Variants in TMEM63C observed in about 807,000 individuals in gnomAD.
TMEM63C encodes the protein transmembrane protein 63C.
In TMEM63C, 32 loss-of-function variants were observed where a neutral mutation model predicts 99.2. That is an observed-to-expected ratio of 0.32 (90% CI 0.24 to 0.43). The LOEUF is 0.43. Among genes scored for constraint, TMEM63C ranks in the 20% least tolerant of loss-of-function variants. The pLI is 1.00. For synonymous variants in TMEM63C, 376 were observed against 397.9 expected, an observed-to-expected ratio of 0.94 and a Z score of 0.66; for missense variants, 826 against 1,053.0, an observed-to-expected ratio of 0.78 and a Z score of 2.98.
chr14:77,189,350 TC>T lies in TMEM63C; in HGVS notation c.-77+7457del, dbSNP rs1447674859. ...CCAACCTGGTCACAAATTCCTGGGC[TC>T]AAGTGATCCACCCATGTGGGCCTCC... On this transcript the variant is annotated intron_variant, in intron 1 of 23. Transcript: ENST00000298351. 2.6e-5 allele frequency among the ~76,000 whole-genome samples: 4 copies of T among 151,908 alleles called. No homozygotes were observed. In the East Asian group the frequency reaches 7.7e-4, roughly 29 times the overall value.
chr14:77,185,285 C>T (rs746307259), intron 1 of TMEM63C, among the ~76,000 whole-genome samples: 8 of 152,190 alleles, frequency 5.3e-5, no homozygotes, highest in Non-Finnish European at 1.2e-4. Flanking sequence ...GACCTTCATT[C>T]CTGCCAAGCC....
At chr14:77,216,036 C>T (rs1000407496) in intron 2 of TMEM63C, among the ~76,000 whole-genome samples, 4 of 151,550 alleles carry the variant, frequency 2.6e-5, no homozygotes, top group Admixed American at 6.6e-5. Context: ...CGCAGTGGCT[C>T]GTGCCTCAAG....
At chr14:77,202,780 C>T (rs906007621) in intron 1 of TMEM63C, among the ~76,000 whole-genome samples, 1 of 151,980 alleles carries the variant, frequency 6.6e-6, no homozygotes, top group South Asian at 2.1e-4. Flanking sequence ...AACCCAGTAG[C>T]GCTGCACATC....
At chr14:77,186,776 G>GGTGTGTGTGTGTGTGT (rs750331360) in intron 1 of TMEM63C, among the ~76,000 whole-genome samples, 2,739 of 138,466 alleles carry the variant, frequency 0.02, 29 homozygotes, top group Middle Eastern at 0.039. Flanking sequence ...GAACCAAAGG[G>GGTGTGTGTGTGTGTGT]GTGTGTGTGT....
At chr14:77,247,483 G>C (rs57290399) in intron 18 of TMEM63C, among the ~76,000 whole-genome samples, 3,661 of 152,146 alleles carry the variant, frequency 0.024, 144 homozygotes, top group African/African-American at 0.084. Context: ...TTACAGGCTT[G>C]AGCCACCACA....
At chr14:77,232,688 A>G (rs537042743) in intron 7 of TMEM63C, among the ~76,000 whole-genome samples, 1 of 152,340 alleles carries the variant, frequency 6.6e-6, no homozygotes, top group South Asian at 2.1e-4. Context: ...ACATACCTAT[A>G]CAGTGTTTGA....
At chr14:77,226,850 C>G (rs899884600) in intron 6 of TMEM63C, among the ~76,000 whole-genome samples, 21 of 151,474 alleles carry the variant, frequency 1.4e-4, no homozygotes, top group African/African-American at 4.4e-4. Flanking sequence ...TCACTGCAAC[C>G]TCCGCCTCCT....
chr14:77,242,435 G>T lies in TMEM63C; in HGVS notation c.1153G>T (p.Val385Phe), dbSNP rs1297549736. 1.9e-6 allele frequency: 3 copies of T among 1,613,756 alleles called. No individual in the cohort carries two copies. Among genetic ancestry groups the T allele is most frequent in the Non-Finnish European group, 2.5e-6 (3 of 1,179,860 alleles). ...TTIVKSYYWR[V>F]TMAPHPKDII... The stretch of plus-strand genomic sequence containing the variant: ...CATCGTCAAATCATATTACTGGAGG[G>T]TCACTATGGCCCCACACCCCAAAGA... Residue 385 changes from valine to phenylalanine, a missense_variant, in exon 14 of 24, where the codon GTC (valine) becomes TTC (phenylalanine). Coordinates refer to ENST00000298351, the MANE Select transcript of TMEM63C (RefSeq NM_020431.4).
At chr14:77,228,203 T>C (rs971465753) in intron 6 of TMEM63C, among the ~76,000 whole-genome samples, 34 of 152,008 alleles carry the variant, frequency 2.2e-4, no homozygotes, top group African/African-American at 8.2e-4. Context: ...ACAAGAAAGA[T>C]GGAGAAAGGA....
chr14:77,225,254 C>G lies in TMEM63C; in HGVS notation c.313-170C>G, dbSNP rs117989772. ...CACTCATTTCCAGGGAAGCATCTCC[C>G]TCCACAGTCACCACTGGTTCCCAGC... On this transcript the variant is annotated intron_variant, in intron 5 of 23. Transcript: ENST00000298351. Among the ~76,000 whole-genome samples, 496 of 152,338 alleles carry G rather than the reference C, an allele frequency of 3.3e-3. 24 individuals are homozygous for G. The East Asian group carries it at 0.081, about 25-fold the overall frequency.
At chr14:77,233,386 T>C (rs1888979649) in intron 7 of TMEM63C, 66 bp from the exon 8 acceptor site, 15 of 1,556,374 alleles carry the variant, frequency 9.6e-6, no homozygotes, top group Non-Finnish European at 1.3e-5. Context: ...TCCAGGAACC[T>C]TGAATTCTGG....
At position 77,248,888 on chromosome 14, in the gene TMEM63C, G is replaced by A. The variant is rs1463833441; in HGVS notation, c.1870+16G>A. ...GTGCCTTTTGGTGAGTCATCTCCAA[G>A]GCATGCCCAAGGGCTGCACATCCGC... On this transcript the variant is annotated intron_variant, in intron 20 of 23. Transcript: ENST00000298351. 6 of 1,602,452 alleles carry A rather than the reference G, an allele frequency of 3.7e-6. No homozygotes were observed. The highest frequency in any genetic ancestry group is 5.1e-6 in the Non-Finnish European group (6 of 1,169,436).
chr14:77,217,111 G>A (rs911727922), intron 2 of TMEM63C, among the ~76,000 whole-genome samples: 1 of 151,802 alleles, frequency 6.6e-6, no homozygotes, highest in Non-Finnish European at 1.5e-5. Context: ...AGCTATGATT[G>A]TGCCACCGTG....
Position 77,240,510 on chromosome 14 carries a change from G to A in TMEM63C, c.966G>A (p.Glu322=). The change falls in exon 13 of 24, where the codon GAG becomes GAA. Residue 322 remains glutamate (E), a synonymous_variant. Coordinates refer to ENST00000298351, the MANE Select transcript of TMEM63C (RefSeq NM_020431.4). ...DAEQYYSELE[E]QLTDEFNAEL... ...AGCAGTATTACAGCGAGCTAGAGGA[G>A]CAGCTAACGGACGAGTTCAACGCCG... 1.2e-6 allele frequency: 2 copies of A among 1,611,706 alleles called. No homozygotes were observed. The highest frequency in any genetic ancestry group is 1.7e-6 in the Non-Finnish European group (2 of 1,179,798).
chr14:77,255,236 C>A (rs1276975073), intron 23 of TMEM63C, among the ~76,000 whole-genome samples: 2 of 152,232 alleles, frequency 1.3e-5, no homozygotes, highest in Non-Finnish European at 2.9e-5. Context: ...GCTGATCCAC[C>A]CGCCTCGGCC....
At chr14:77,245,308 C>T (rs1323055817) in intron 16 of TMEM63C, among the ~76,000 whole-genome samples, 1 of 152,154 alleles carries the variant, frequency 6.6e-6, no homozygotes, top group African/African-American at 2.4e-5. Flanking sequence ...TCCTGATGCT[C>T]CCAGATGCAG....
At chr14:77,182,845 T>G (rs1887937242) in intron 1 of TMEM63C, among the ~76,000 whole-genome samples, 1 of 152,086 alleles carries the variant, frequency 6.6e-6, no homozygotes, top group Admixed American at 6.5e-5. Context: ...GAGAGTTGGC[T>G]TTGAGGAGAG....
chr14:77,183,769 C>G (rs780014298), intron 1 of TMEM63C, among the ~76,000 whole-genome samples: 37 of 152,176 alleles, frequency 2.4e-4, no homozygotes, highest in Non-Finnish European at 3.4e-4. Flanking sequence ...TGATGACCAC[C>G]AGGAGCTGCT....
intron 1 of TMEM63C, among the ~76,000 whole-genome samples, chr14:77,199,528 C>A (rs1346508824): frequency 6.6e-6 from 1 of 152,194 alleles, no homozygotes; most frequent in African/African-American, 2.4e-5. Context: ...ATTTGTCCCT[C>A]TGCCTGGACT....
Sources: allele counts gnomAD v4.1 joint callset (sites outside exome capture counted in the v4.1 genomes callset), GRCh38; gene constraint gnomAD v4.1.1; transcripts MANE v1.5; gene names NCBI Gene and HGNC (gene_info 2026-07-23, HGNC 2026-07-21).